The following TCF12 variants were observed in gnomAD, a reference collection of about 807,000 sequenced individuals.
TCF12 encodes the protein transcription factor 12.
TCF12 carries 45 observed loss-of-function variants against 86.0 expected under a neutral mutation model. The observed-to-expected ratio is 0.52, with a 90% CI of 0.41 to 0.67. TCF12 has a LOEUF of 0.67. Ranked by LOEUF, TCF12 falls within the 30% of genes least tolerant of loss-of-function variation. The probability of loss-of-function intolerance (pLI) is 0.00; values close to 1 mark genes in which losing one functional copy is unlikely to be tolerated. For synonymous variants in TCF12, 330 were observed against 299.6 expected, an observed-to-expected ratio of 1.10 and a Z score of -1.05; for missense variants, 881 against 859.9, an observed-to-expected ratio of 1.02 and a Z score of -0.31.
chr15:57,224,107 T>C (rs1190810796), intron 8 of TCF12, among the ~76,000 whole-genome samples: 1 of 152,092 alleles, frequency 6.6e-6, no homozygotes, highest in African/African-American at 2.4e-5. Context: ...AACTAGCTCC[T>C]GCTAGTTTTA....
At chr15:56,945,256 G>C (rs2060943879) in intron 3 of TCF12, among the ~76,000 whole-genome samples, 1 of 152,070 alleles carries the variant, frequency 6.6e-6, no homozygotes, top group Non-Finnish European at 1.5e-5. Context: ...TTTTCTGCCT[G>C]ATACTGGAAA....
intron 3 of TCF12, among the ~76,000 whole-genome samples, chr15:57,023,568 T>A (rs1415742339): frequency 6.6e-6 from 1 of 152,204 alleles, no homozygotes; most frequent in Non-Finnish European, 1.5e-5. Context: ...TCTTAATAAT[T>A]ATTTATTTAA....
intron 5 of TCF12, among the ~76,000 whole-genome samples, chr15:57,151,807 C>T (rs1182859420): frequency 5.9e-5 from 9 of 151,270 alleles, no homozygotes; most frequent in African/African-American, 1.9e-4. Context: ...AAACTTTTAA[C>T]TTTTTTGAAC....
chr15:57,157,044 T>C (rs2054158758), intron 5 of TCF12, among the ~76,000 whole-genome samples: 1 of 152,206 alleles, frequency 6.6e-6, no homozygotes. Context: ...ATTTGTTCCC[T>C]CTATCTTCCC....
At chr15:57,053,724 G>GT (rs1335155256) in intron 3 of TCF12, among the ~76,000 whole-genome samples, 1 of 152,046 alleles carries the variant, frequency 6.6e-6, no homozygotes, top group East Asian at 1.9e-4. Context: ...TGAGTAGTTG[G>GT]TATGGAAGTG....
intron 3 of TCF12, among the ~76,000 whole-genome samples, chr15:56,985,492 T>A (rs2063137450): frequency 6.6e-6 from 1 of 152,188 alleles, no homozygotes; most frequent in Non-Finnish European, 1.5e-5. Flanking sequence ...GCTGGTTAAT[T>A]TATCCAGATA....
chr15:56,966,290 C>CA lies in TCF12; in HGVS notation c.148+45198dup, dbSNP rs2061998431. On this transcript the variant is annotated intron_variant, in intron 3 of 20. Transcript: ENST00000333725. Reference sequence around the variant, plus strand: ...TAGGTTTTGCCATTAATTTCAATGGCAAAAAAGCTAGGTTTTGCCATTACT... The same window carrying CA: ...TAGGTTTTGCCATTAATTTCAATGGCAAAAAAAGCTAGGTTTTGCCATTACT... Among the ~76,000 whole-genome samples the CA allele has an allele frequency of 2.0e-5, 3 of 151,976 alleles. No individual in the cohort carries two copies. In the South Asian group the frequency reaches 6.2e-4, roughly 32 times the overall value.
intron 3 of TCF12, among the ~76,000 whole-genome samples, chr15:56,997,275 A>G (rs865918795): frequency 2.0e-5 from 3 of 152,212 alleles, no homozygotes; most frequent in Admixed American, 6.5e-5. Flanking sequence ...CACATACGCA[A>G]TGGAATACTA....
At chr15:56,975,875 A>ATTC (rs2062569436) in intron 3 of TCF12, among the ~76,000 whole-genome samples, 1 of 151,682 alleles carries the variant, frequency 6.6e-6, no homozygotes, top group South Asian at 2.1e-4. Flanking sequence ...GTACAAGAGA[A>ATTC]ACATGGAACA....
In TCF12 at chr15:57,253,339, C is replaced by T. The variant is rs776598572; in HGVS notation, c.1338C>T (p.Ser446=). The T allele has an allele frequency of 6.2e-7, 1 of 1,614,010 alleles. No homozygotes were observed. Among genetic ancestry groups the T allele is most frequent in the Non-Finnish European group, 8.5e-7 (1 of 1,179,968 alleles). The change falls in exon 16 of 21, where the codon TCC becomes TCT. Residue 446 remains serine, a synonymous_variant. Coordinates refer to ENST00000333725, the MANE Select transcript of TCF12 (RefSeq NM_207037.2). ...TGCGGAACCATGCTGTGGGACCTTC[C>T]ACCAGTTTGCCTGCTGGTCACAGTG... ...HVLRNHAVGP[S]TSLPAGHSDI...
chr15:57,132,104 T>C (rs1316287740), intron 5 of TCF12, among the ~76,000 whole-genome samples: 1 of 152,076 alleles, frequency 6.6e-6, no homozygotes, highest in African/African-American at 2.4e-5. Context: ...TGAGCTAAAA[T>C]TGTGCCACTA....
chr15:56,974,379 A>C (rs923973330), intron 3 of TCF12, among the ~76,000 whole-genome samples: 32 of 152,126 alleles, frequency 2.1e-4, no homozygotes, highest in African/African-American at 7.5e-4. Context: ...ATGTTACCAC[A>C]TGTGGGATTT....
rs1156940403 is a variant in TCF12 at position 57,029,358 on chromosome 15, T to C, written c.149-34392T>C. On this transcript the variant is annotated intron_variant, in intron 3 of 20. Transcript: ENST00000333725. Reference sequence around the variant, plus strand: ...ATTGTAATTTATGCCTACCTGACTTTGTTTTTCTTTTTAAAAATTATGTTG... The same window carrying C: ...ATTGTAATTTATGCCTACCTGACTTCGTTTTTCTTTTTAAAAATTATGTTG... Among the ~76,000 whole-genome samples, 3 of 152,212 alleles carry C rather than the reference T, an allele frequency of 2.0e-5. No individual in the cohort carries two copies. The East Asian group carries it at 5.8e-4, about 29-fold the overall frequency.
chr15:57,055,074 C>T (rs925022342), intron 3 of TCF12, among the ~76,000 whole-genome samples: 4 of 151,984 alleles, frequency 2.6e-5, no homozygotes, highest in Admixed American at 2.0e-4. Context: ...TGATACTATT[C>T]CCTAGGATGC....
At chr15:57,081,599 G>A (rs1476911679) in intron 4 of TCF12, among the ~76,000 whole-genome samples, 4 of 152,090 alleles carry the variant, frequency 2.6e-5, no homozygotes, top group East Asian at 1.9e-4. Flanking sequence ...GTGCAGTGGC[G>A]TGATCTCAGA....
intron 3 of TCF12, among the ~76,000 whole-genome samples, chr15:56,928,140 C>T (rs1399709028): frequency 2.0e-5 from 3 of 152,158 alleles, no homozygotes; most frequent in Admixed American, 2.0e-4. Context: ...AGCTTACTAG[C>T]TGGATGGCCT....
intron 3 of TCF12, among the ~76,000 whole-genome samples, chr15:56,957,418 CTTTTGTG>C (rs1471562933): frequency 1.3e-5 from 2 of 152,206 alleles, no homozygotes; most frequent in East Asian, 3.9e-4. Context: ...TCTGTTTTCT[CTTTTGTG>C]TTTTATATTG....
chr15:57,214,045 C>CTTCAAGTGG (rs1169148698), intron 8 of TCF12: 2 of 152,104 alleles, frequency 1.3e-5, no homozygotes, highest in South Asian at 4.1e-4. Flanking sequence ...TAATGATTCT[C>CTTCAAGTGG]TTACTGTGTT....
At chr15:56,991,537 G>C (rs1339480851) in intron 3 of TCF12, among the ~76,000 whole-genome samples, 4 of 152,172 alleles carry the variant, frequency 2.6e-5, no homozygotes, top group Non-Finnish European at 5.9e-5. Context: ...TTTATATAAA[G>C]TTTGGAGGAA....
Sources: gnomAD v4.1 joint callset for allele counts (sites outside exome capture counted in the v4.1 genomes callset) on GRCh38, gnomAD v4.1.1 for gene constraint, MANE v1.5 for transcripts, NCBI Gene and HGNC (gene_info 2026-07-23, HGNC 2026-07-21) for gene names.